KTN1: variants seen among roughly 807,000 people sequenced by gnomAD.
KTN1 encodes kinectin.
KTN1 carries 130 observed loss-of-function variants against 222.5 expected under a neutral mutation model. The ratio of observed to expected loss-of-function variants is 0.58; its 90% CI spans 0.51 to 0.68. The LOEUF (loss-of-function observed/expected upper bound fraction) is 0.68. Ranked by LOEUF, KTN1 falls within the 30% of genes least tolerant of loss-of-function variation. The pLI, the probability that KTN1 is intolerant of heterozygous loss-of-function variation, is 0.00. For missense variants in KTN1, 1,508 were observed against 1,500.4 expected (o/e 1.01, Z -0.08); for synonymous variants, 512 against 496.3 (o/e 1.03, Z -0.42).
intron 5 of KTN1, among the ~76,000 whole-genome samples, chr14:55,627,194 T>A (rs1181549055): frequency 6.6e-6 from 1 of 152,208 alleles, no homozygotes; most frequent in Non-Finnish European, 1.5e-5. Context: ...AGGAGGAAAT[T>A]ACTGTCTTGA....
At chr14:55,602,929 G>A (rs922183818) in intron 1 of KTN1, among the ~76,000 whole-genome samples, 4 of 152,012 alleles carry the variant, frequency 2.6e-5, no homozygotes, top group Admixed American at 2.0e-4. Flanking sequence ...TTCTCATTTC[G>A]TAAAGAGAAT....
At chr14:55,615,765 G>T (rs1026327588) in intron 2 of KTN1, among the ~76,000 whole-genome samples, 2 of 152,002 alleles carry the variant, frequency 1.3e-5, no homozygotes, top group African/African-American at 4.8e-5. Context: ...GGGAATTATG[G>T]TGATGGGGAA....
chr14:55,616,728 C>T, intron 3 of KTN1, 74 bp downstream of exon 3: 1 of 1,236,450 alleles, frequency 8.1e-7, no homozygotes, highest in Non-Finnish European at 1.1e-6. Context: ...CCTGGAATCT[C>T]ACACGCTCTT....
At chr14:55,659,097 A>G (rs1253021073) in intron 30 of KTN1, among the ~76,000 whole-genome samples, 1 of 152,156 alleles carries the variant, frequency 6.6e-6, no homozygotes, top group Non-Finnish European at 1.5e-5. Context: ...AATAGCCTGT[A>G]AATTAATTTA....
intron 43 of KTN1, chr14:55,683,200 T>C (rs2046516704): frequency 6.6e-6 from 1 of 152,182 alleles, no homozygotes; most frequent in Non-Finnish European, 1.5e-5. Flanking sequence ...TAGTGATCTT[T>C]TTAGACTTTC....
intron 1 of KTN1, among the ~76,000 whole-genome samples, chr14:55,594,774 G>C (rs1357104339): frequency 6.6e-6 from 1 of 152,122 alleles, no homozygotes; most frequent in Non-Finnish European, 1.5e-5. Flanking sequence ...TAAACAAGTT[G>C]AAAGTAAATA....
intron 28 of KTN1, among the ~76,000 whole-genome samples, chr14:55,654,639 C>T (rs2043277610): frequency 6.6e-6 from 1 of 151,586 alleles, no homozygotes; most frequent in African/African-American, 2.4e-5. Flanking sequence ...TACCAATTCT[C>T]CCTATTAACA....
Position 55,673,306 on chromosome 14 carries a change from A to G in KTN1, c.3771+51A>G, listed in dbSNP as rs373493134. On this transcript the variant is annotated intron_variant, in intron 40 of 43. Coordinates refer to ENST00000395314, the MANE Select transcript of KTN1 (RefSeq NM_001079521.2). ...ATCAAGTAGGCACTGAAAACACTTT[A>G]TTGACATGTGGAGAAACCATCCAGG... is the stretch of plus-strand genomic sequence containing the variant. 14 of 1,197,852 alleles carry G rather than the reference A, an allele frequency of 1.2e-5. No homozygotes were observed. The African/African-American group carries it at 2.0e-4, about 17-fold the overall frequency. 74.2% of individuals were successfully genotyped at this position (1,197,852 alleles called of 1,614,324 possible). A position where few individuals can be genotyped will look rare whatever the true frequency, so the allele number is the denominator to read the frequency against.
At chr14:55,658,120 A>G (rs1452989322) in intron 29 of KTN1, among the ~76,000 whole-genome samples, 3 of 152,144 alleles carry the variant, frequency 2.0e-5, no homozygotes, top group African/African-American at 7.2e-5. Context: ...CAATATCTGA[A>G]GACATTTTTG....
intron 1 of KTN1, among the ~76,000 whole-genome samples, chr14:55,602,316 A>G (rs2036092034): frequency 6.6e-6 from 1 of 152,224 alleles, no homozygotes; most frequent in Admixed American, 6.5e-5. Context: ...TAGGAGGAGA[A>G]CTAGCTGTAG....
chr14:55,582,934 GT>G (rs1555353084), intron 1 of KTN1, among the ~76,000 whole-genome samples: 1 of 152,164 alleles, frequency 6.6e-6, no homozygotes, highest in Non-Finnish European at 1.5e-5. Flanking sequence ...TTCTCTAGAA[GT>G]GACATTGGTG....
Position 55,641,713 on chromosome 14 carries a change from G to A in KTN1, c.2125G>A (p.Ala709Thr). 6.2e-7 allele frequency: 1 copy of A among 1,602,126 alleles called. No individual in the cohort carries two copies. The highest frequency in any genetic ancestry group is 1.7e-5 in the Admixed American group (1 of 59,944). The change falls in exon 18 of 44, where the codon GCA becomes ACA. Residue 709 changes from alanine to threonine, a missense_variant. Physicochemically the swap from Ala to Thr is moderately conservative, Grantham distance 58. Coordinates refer to ENST00000395314, the MANE Select transcript of KTN1 (RefSeq NM_001079521.2). ...CCAGATTCTAAATGACCAAAACAAA[G>A]CATTAAAATCAGAAGTTCAGAAGCT... ...EFKILNDQNK[A>T]LKSEVQKLQT...
At chr14:55,651,663 A>T (rs918248786) in intron 24 of KTN1, 3 of 504,262 alleles carry the variant, frequency 5.9e-6, no homozygotes, top group African/African-American at 3.9e-5. Flanking sequence ...AGTTAGACTT[A>T]TTATTCATAA....
Position 55,649,773 on chromosome 14 carries a change from C to A in KTN1, c.2368-3C>A. 1 of 1,492,570 alleles carries A rather than the reference C, an allele frequency of 6.7e-7. No individual in the cohort carries two copies. Among genetic ancestry groups the A allele is most frequent in the Non-Finnish European group, 9.2e-7 (1 of 1,082,630 alleles). The allele number at this position is 1,492,570 out of a possible 1,614,324, so 92.5% of individuals were successfully genotyped here. ...ACTAAGTAGGATACTTTCCTATTTCCAGGTTTCTTTTGCCTCTCTAGTTGA... is the reference window on the plus strand; with the variant it reads ...ACTAAGTAGGATACTTTCCTATTTCAAGGTTTCTTTTGCCTCTCTAGTTGA... On this transcript the variant is annotated splice_polypyrimidine_tract_variant and splice_region_variant and intron_variant, in intron 21 of 43. Transcript: ENST00000395314.
chr14:55,653,678 T>C (rs2043168039), intron 28 of KTN1, 82 bp downstream of exon 28: 1 of 979,722 alleles, frequency 1.0e-6, no homozygotes, highest in Non-Finnish European at 1.6e-6. Context: ...TAATGATGAG[T>C]TTCCTGTACA....
intron 5 of KTN1, among the ~76,000 whole-genome samples, chr14:55,620,079 G>T (rs2038936084): frequency 6.6e-6 from 1 of 152,140 alleles, no homozygotes; most frequent in East Asian, 1.9e-4. Context: ...CAAAATAAAA[G>T]GGCTACAGGC....
Position 55,609,138 on chromosome 14 carries a change from C to T in KTN1, c.-30-2881C>T, listed in dbSNP as rs191976836. On this transcript the variant is annotated intron_variant, in intron 1 of 43. Transcript: ENST00000395314. ...GCTGCACCTACTGACCCATCCTGTA[C>T]GTTCCCTCCTCTCAGCCCCCACCCG... Among the ~76,000 whole-genome samples, 193 of 152,012 alleles carry T rather than the reference C, an allele frequency of 1.3e-3. 1 individual carries two copies. The highest frequency in any genetic ancestry group is 0.01 in the East Asian group (54 of 5,160).
At chr14:55,682,718 A>T (rs1455387624) in intron 43 of KTN1, 1 of 152,224 alleles carries the variant, frequency 6.6e-6, no homozygotes, top group Non-Finnish European at 1.5e-5. Flanking sequence ...CGGCTAATAA[A>T]TGGGCGAGCT....
intron 1 of KTN1, among the ~76,000 whole-genome samples, chr14:55,602,874 C>A (rs2036190226): frequency 6.6e-6 from 1 of 152,166 alleles, no homozygotes; most frequent in South Asian, 2.1e-4. Flanking sequence ...GCCACCGTGC[C>A]TGGCCACCAT....
Sources: allele counts gnomAD v4.1 joint callset (sites outside exome capture counted in the v4.1 genomes callset), GRCh38; gene constraint gnomAD v4.1.1; transcripts MANE v1.5; gene names NCBI Gene and HGNC (gene_info 2026-07-23, HGNC 2026-07-21).